Variants in SP9 observed in about 807,000 individuals in gnomAD.
SP9 encodes Sp9 transcription factor, also known as transcription factor Sp9.
Under a neutral mutation model 23.0 loss-of-function variants are expected in SP9, and 5 were observed. The observed-to-expected ratio is 0.22, with a 90% CI of 0.11 to 0.46. The LOEUF (loss-of-function observed/expected upper bound fraction) is 0.46. Ranked by LOEUF, SP9 falls within the 20% of genes least tolerant of loss-of-function variation. The pLI is 0.99. For missense variants in SP9, 542 were observed against 724.0 expected (o/e 0.75, Z 2.88); for synonymous variants, 360 against 356.5 (o/e 1.01, Z -0.11).
At position 174,336,995 on chromosome 2, in the gene SP9, G is replaced by C; in HGVS notation, c.910G>C (p.Gly304Arg). 1 of 1,450,526 alleles carries C rather than the reference G, an allele frequency of 6.9e-7. No individual in the cohort carries two copies. Among genetic ancestry groups the C allele is most frequent in the Non-Finnish European group, 9.0e-7 (1 of 1,110,846 alleles). 89.9% of individuals were successfully genotyped at this position (1,450,526 alleles called of 1,614,324 possible). ...SSARSARRYS[G>R]RATCDCPNCQ... ...GGCACGCTCTGCCCGCCGCTACTCG[G>C]GCCGCGCCACCTGCGACTGCCCCAA... Residue 304 changes from glycine to arginine, a missense_variant, in exon 2 of 2, where the codon GGC (glycine) becomes CGC (arginine). Transcript: ENST00000394967.
At position 174,336,166 on chromosome 2, in the gene SP9, C is replaced by G; in HGVS notation, c.81C>G (p.Ile27Met). ...TGCTGGCGGCGACCTGCAACAAGAT[C>G]GGCAACACGAGCCCGCTGACGACGC... ...LAMLAATCNKIGNTSPLTTLP... is the reference protein window; with the variant it reads ...LAMLAATCNKMGNTSPLTTLP... Residue 27 changes from isoleucine (I) to methionine (M), a missense_variant, in exon 2 of 2, where the codon ATC becomes ATG. By Grantham distance (10) the Ile-to-Met change is conservative. This residue lies in a region of SP9 where 201 missense variants were observed against 226.3 expected (regional missense o/e 0.89). Coordinates refer to ENST00000394967, the MANE Select transcript of SP9 (RefSeq NM_001145250.2). 1 of 1,550,758 alleles carries G rather than the reference C, an allele frequency of 6.4e-7. No homozygotes were observed. The highest frequency in any genetic ancestry group is 1.7e-4 in the Middle Eastern group (1 of 5,988).
rs972322844 is a variant in SP9, at chr2:174,337,282, G to A, written c.1197G>A (p.Lys399=). ...EKRFACPVCN[K]RFMRSDHLSK... ...GCTTCGCCTGTCCGGTGTGCAACAA[G>A]CGCTTCATGCGCAGCGACCACCTGA... Residue 399 remains lysine (K), a synonymous_variant, in exon 2 of 2, where the codon AAG becomes AAA. Coordinates refer to ENST00000394967, the MANE Select transcript of SP9 (RefSeq NM_001145250.2). The A allele has an allele frequency of 6.4e-6, 10 of 1,558,074 alleles. No individual in the cohort carries two copies. Among genetic ancestry groups the A allele is most frequent in the Non-Finnish European group, 7.8e-6 (9 of 1,151,102 alleles).
At position 174,336,390 on chromosome 2, in the gene SP9, G is replaced by A; in HGVS notation, c.305G>A (p.Ser102Asn). ...ASTSPTSSAF[S>N]SDYGGLFSNS... The stretch of plus-strand genomic sequence containing the variant: ...ACGTCGCCCACGTCGTCCGCCTTCA[G>A]CAGCGACTACGGCGGCCTCTTCTCC... Residue 102 changes from serine to asparagine, a missense_variant, in exon 2 of 2, where the codon AGC becomes AAC. Ser to Asn is a conservative substitution (Grantham distance 46). Transcript: ENST00000394967. The A allele has an allele frequency of 6.7e-7, 1 of 1,491,804 alleles. No individual in the cohort carries two copies. The highest frequency in any genetic ancestry group is 1.3e-5 in the South Asian group (1 of 79,198). The allele number at this position is 1,491,804 out of a possible 1,614,324, so 92.4% of individuals were successfully genotyped here. A position where few individuals can be genotyped will look rare whatever the true frequency, so the allele number is the denominator to read the frequency against.
chr2:174,335,026 C>G lies in SP9; in HGVS notation c.-67C>G. On this transcript the variant is annotated 5_prime_UTR_variant, in exon 1 of 2. Transcript: ENST00000394967. ...ACGCGGGAGCCGCGCGGGACCCAAG[C>G]AGTTTTTCCGAGCAGCCGCCAGGCT... 2 of 1,531,544 alleles carry G rather than the reference C, an allele frequency of 1.3e-6. No individual in the cohort carries two copies. Among genetic ancestry groups the G allele is most frequent in the Non-Finnish European group, 1.8e-6 (2 of 1,130,296 alleles). 94.9% of individuals were successfully genotyped at this position (1,531,544 alleles called of 1,614,324 possible).
Position 174,337,625 on chromosome 2 carries a change from G to A in SP9, c.*85G>A. 7.6e-6 allele frequency: 8 copies of A among 1,051,764 alleles called. No homozygotes were observed. The highest frequency in any genetic ancestry group is 9.2e-6 in the Non-Finnish European group (8 of 872,520). 65.2% of individuals were successfully genotyped at this position (1,051,764 alleles called of 1,614,324 possible). A position where few individuals can be genotyped will look rare whatever the true frequency, so the allele number is the denominator to read the frequency against. ...TTCGGAGGGCGAGCGAGCGGGAGGC[G>A]GGAGGGCAGGGGCTTCAGTGACGCC... is the stretch of plus-strand genomic sequence containing the variant. On this transcript the variant is annotated 3_prime_UTR_variant, in exon 2 of 2. Coordinates refer to ENST00000394967, the MANE Select transcript of SP9 (RefSeq NM_001145250.2).
rs938254136 is a variant in SP9 at position 174,335,091 on chromosome 2, C to A, written c.-2C>A. 3.2e-6 allele frequency: 5 copies of A among 1,551,644 alleles called. No individual in the cohort carries two copies. Among genetic ancestry groups the A allele is most frequent in the Non-Finnish European group, 4.4e-6 (5 of 1,146,994 alleles). On this transcript the variant is annotated 5_prime_UTR_variant, in exon 1 of 2. Transcript: ENST00000394967. ...GCCTCGCTGCGCAGCCAGAGACCTG[C>A]TATGGCCACGTCTATACTCGGGGTA...
Position 174,336,175 on chromosome 2 carries a change from G to T in SP9, c.90G>T (p.Thr30=). 3.9e-6 allele frequency: 6 copies of T among 1,550,410 alleles called. No individual in the cohort carries two copies. Among genetic ancestry groups the T allele is most frequent in the Non-Finnish European group, 5.2e-6 (6 of 1,146,410 alleles). ...CGACCTGCAACAAGATCGGCAACAC[G>T]AGCCCGCTGACGACGCTGCCAGAGT... The part of the protein sequence containing the change: ...LAATCNKIGN[T]SPLTTLPESS... The change falls in exon 2 of 2, where the codon ACG becomes ACT. Residue 30 remains threonine, a synonymous_variant. Coordinates refer to ENST00000394967, the MANE Select transcript of SP9 (RefSeq NM_001145250.2).
chr2:174,337,865 A>G lies in SP9; in HGVS notation c.*325A>G, dbSNP rs929552316. On this transcript the variant is annotated 3_prime_UTR_variant, in exon 2 of 2. Coordinates refer to ENST00000394967, the MANE Select transcript of SP9 (RefSeq NM_001145250.2). The stretch of plus-strand genomic sequence containing the variant: ...CGGAGACCTACAACCACAAGCACGC[A>G]CACTCGCGCGCGCACACACATACCA... The G allele has an allele frequency of 6.3e-6, 1 of 159,542 alleles. No individual in the cohort carries two copies. Among genetic ancestry groups the G allele is most frequent in the African/African-American group, 2.4e-5 (1 of 41,524 alleles). 9.9% of individuals were successfully genotyped at this position (159,542 alleles called of 1,614,324 possible).
intron 1 of SP9, chr2:174,335,887 CTTTCCGGCGCCTG>C: frequency 1.8e-6 from 1 of 540,642 alleles, no homozygotes; most frequent in Non-Finnish European, 3.3e-6. Context: ...CGAAGTGCAA[CTTTCCGGCGCCTG>C]GACCTTCGCC....
chr2:174,335,230 C>T, intron 1 of SP9, 117 bp downstream of exon 1: 1 of 1,148,466 alleles, frequency 8.7e-7, no homozygotes, highest in Non-Finnish European at 1.3e-6. Context: ...GCTTCAGCTT[C>T]TATTAGCACT....
Position 174,335,063 on chromosome 2 carries a change from C to G in SP9, c.-30C>G. The G allele has an allele frequency of 6.4e-7, 1 of 1,551,006 alleles. No individual in the cohort carries two copies. Among genetic ancestry groups the G allele is most frequent in the South Asian group, 1.2e-5 (1 of 84,052 alleles). On this transcript the variant is annotated 5_prime_UTR_variant, in exon 1 of 2. Coordinates refer to ENST00000394967, the MANE Select transcript of SP9 (RefSeq NM_001145250.2). ...GCAGCCGCCAGGCTCAGCCCCGCTCCCAGCCTCGCTGCGCAGCCAGAGACC... is the reference window on the plus strand; with the variant it reads ...GCAGCCGCCAGGCTCAGCCCCGCTCGCAGCCTCGCTGCGCAGCCAGAGACC...
intron 1 of SP9, chr2:174,335,510 T>G: frequency 3.9e-5 from 8 of 204,260 alleles, no homozygotes; most frequent in East Asian, 1.2e-4. Context: ...TTTCCGCGGC[T>G]CCCCAATTCG....
At chr2:174,335,332 C>A in intron 1 of SP9, 1 of 537,118 alleles carries the variant, frequency 1.9e-6, no homozygotes. Context: ...AGTCCTTTTT[C>A]ATTTGGTTTC....
rs1440279234 is a variant in SP9, at chr2:174,338,452, CTT to C, written c.*913_*914del. 1.3e-5 allele frequency: 2 copies of C among 152,128 alleles called. No homozygotes were observed. The highest frequency in any genetic ancestry group is 4.8e-5 in the African/African-American group (2 of 41,428). 9.4% of individuals were successfully genotyped at this position (152,128 alleles called of 1,614,324 possible). A position where few individuals can be genotyped will look rare whatever the true frequency, so the allele number is the denominator to read the frequency against. On this transcript the variant is annotated 3_prime_UTR_variant, in exon 2 of 2. Transcript: ENST00000394967. ...ATGCGTTTATCTGTATCAAGAAAATCTTGACATCATATTTTCATTTTGGTATT... is the reference window on the plus strand; with the variant it reads ...ATGCGTTTATCTGTATCAAGAAAATCGACATCATATTTTCATTTTGGTATT...
chr2:174,335,284 C>A, intron 1 of SP9, 171 bp downstream of exon 1: 1 of 637,794 alleles, frequency 1.6e-6, no homozygotes, highest in Non-Finnish European at 2.7e-6. Flanking sequence ...TTTTGGAACC[C>A]AGAAAGATGC....
In SP9 at chr2:174,337,551, A is replaced by G. The variant is rs559538196; in HGVS notation, c.*11A>G. Reference sequence around the variant, plus strand: ...CCCAACGACTCTTAGAGGCCGGGCGAGAGGCGCGAGCACACAAGCGAGTAG... The same window carrying G: ...CCCAACGACTCTTAGAGGCCGGGCGGGAGGCGCGAGCACACAAGCGAGTAG... On this transcript the variant is annotated 3_prime_UTR_variant, in exon 2 of 2. Transcript: ENST00000394967. 104 of 1,153,106 alleles carry G rather than the reference A, an allele frequency of 9.0e-5. No homozygotes were observed. Among genetic ancestry groups the G allele is most frequent in the Non-Finnish European group, 1.1e-5 (10 of 937,606 alleles). The allele number at this position is 1,153,106 out of a possible 1,614,324, so 71.4% of individuals were successfully genotyped here.
At chr2:174,335,470 T>C (rs1684390610) in intron 1 of SP9, 1 of 297,586 alleles carries the variant, frequency 3.4e-6, no homozygotes, top group South Asian at 6.3e-5. Flanking sequence ...CGTTTTGCAG[T>C]CCATCTAGTC....
chr2:174,336,316 C>T lies in SP9; in HGVS notation c.231C>T (p.Gly77=), dbSNP rs1285114833. ...CCACCGGGGGCCGTGGCTCGGGCGGCCTGGCGGGCGGCTCGGGCGCCGCCA... is the reference window on the plus strand; with the variant it reads ...CCACCGGGGGCCGTGGCTCGGGCGGTCTGGCGGGCGGCTCGGGCGCCGCCA... ...AVATGGRGSG[G]LAGGSGAANS... is the part of the protein sequence containing the mutation. The change falls in exon 2 of 2, where the codon GGC becomes GGT. Residue 77 remains glycine, a synonymous_variant. Coordinates refer to ENST00000394967, the MANE Select transcript of SP9 (RefSeq NM_001145250.2). 2.0e-6 allele frequency: 3 copies of T among 1,501,726 alleles called. No homozygotes were observed. The highest frequency in any genetic ancestry group is 2.7e-6 in the Non-Finnish European group (3 of 1,131,546). The allele number at this position is 1,501,726 out of a possible 1,614,324, so 93.0% of individuals were successfully genotyped here.
At chr2:174,335,178 T>G in intron 1 of SP9, 65 bp downstream of exon 1, 2 of 1,524,670 alleles carry the variant, frequency 1.3e-6, no homozygotes, top group Non-Finnish European at 1.8e-6. Flanking sequence ...TTATGGCTTC[T>G]GGGGTCTGCG....
Sources: allele counts gnomAD v4.1 joint callset, GRCh38; gene constraint gnomAD v4.1.1; regional missense constraint gnomAD v4.1.1; transcripts MANE v1.5; gene names NCBI Gene and HGNC (gene_info 2026-07-23, HGNC 2026-07-21).